The following MARCHF6 variants were observed in gnomAD, a reference collection of about 807,000 sequenced individuals.
MARCHF6 encodes E3 ubiquitin-protein ligase MARCHF6.
MARCHF6 carries 31 observed loss-of-function variants against 133.7 expected under a neutral mutation model. The ratio of observed to expected loss-of-function variants is 0.23; its 90% CI spans 0.17 to 0.31. MARCHF6 has a LOEUF of 0.31. MARCHF6 is among the 10% of genes least tolerant of loss of function. The pLI is 1.00. For missense variants in MARCHF6, 723 were observed against 1,121.6 expected (o/e 0.64, Z 5.08); for synonymous variants, 395 against 402.5 (o/e 0.98, Z 0.22).
At chr5:10,369,968 G>A (rs367836060) in intron 1 of MARCHF6, among the ~76,000 whole-genome samples, 1 of 151,694 alleles carries the variant, frequency 6.6e-6, no homozygotes, top group Non-Finnish European at 1.5e-5. Flanking sequence ...AGGTTTTTGT[G>A]TGAACATAAG....
chr5:10,363,132 AC>A (rs1361009337), intron 1 of MARCHF6, among the ~76,000 whole-genome samples: 1 of 152,198 alleles, frequency 6.6e-6, no homozygotes, highest in Non-Finnish European at 1.5e-5. Flanking sequence ...CTTGGGTTAG[AC>A]CAAGATCTCT....
At chr5:10,388,769 T>C (rs1579563410) in intron 5 of MARCHF6, among the ~76,000 whole-genome samples, 1 of 152,210 alleles carries the variant, frequency 6.6e-6, no homozygotes, top group Non-Finnish European at 1.5e-5. Context: ...TCCTCTGGGC[T>C]CTGGAACTTG....
chr5:10,403,460 A>G lies in MARCHF6; in HGVS notation c.1251A>G (p.Pro417=), dbSNP rs1738675035. ...KDRELSFQSA[P]GTTMFLHWLV... is the part of the protein sequence containing the mutation. Reference sequence around the variant, plus strand: ...GAGAACTGAGCTTTCAGTCGGCTCCAGGTACTACCATGTTTCTGCATTGGC... The same window carrying G: ...GAGAACTGAGCTTTCAGTCGGCTCCGGGTACTACCATGTTTCTGCATTGGC... The change falls in exon 15 of 26, where the codon CCA becomes CCG. Residue 417 remains proline, a synonymous_variant. Coordinates refer to ENST00000274140, the MANE Select transcript of MARCHF6 (RefSeq NM_005885.4). 1 of 1,613,986 alleles carries G rather than the reference A, an allele frequency of 6.2e-7. No individual in the cohort carries two copies. The highest frequency in any genetic ancestry group is 8.5e-7 in the Non-Finnish European group (1 of 1,179,904).
At chr5:10,374,235 T>G (rs1393427038) in intron 1 of MARCHF6, among the ~76,000 whole-genome samples, 1 of 152,236 alleles carries the variant, frequency 6.6e-6, no homozygotes, top group African/African-American at 2.4e-5. Context: ...GTTTAAATCC[T>G]TTAAAGAGGA....
In MARCHF6 at chr5:10,410,776, A is replaced by T. The variant is rs1739183983; in HGVS notation, c.1691+500A>T. Among the ~76,000 whole-genome samples the T allele has an allele frequency of 3.3e-5, 5 of 152,294 alleles. No individual in the cohort carries two copies. In the South Asian group the frequency reaches 1.0e-3, roughly 32 times the overall value. ...TGTAGGTATCTTAAAGGTGAAGTACAGATTTGGTTATATTTGCTTGAACAT... is the reference window on the plus strand; with the variant it reads ...TGTAGGTATCTTAAAGGTGAAGTACTGATTTGGTTATATTTGCTTGAACAT... On this transcript the variant is annotated intron_variant, in intron 18 of 25. Coordinates refer to ENST00000274140, the MANE Select transcript of MARCHF6 (RefSeq NM_005885.4).
chr5:10,400,253 A>C (rs1738442666), intron 10 of MARCHF6, among the ~76,000 whole-genome samples: 1 of 152,148 alleles, frequency 6.6e-6, no homozygotes, highest in Non-Finnish European at 1.5e-5. Flanking sequence ...ATTCTTATCA[A>C]TTTGGGACTA....
chr5:10,412,935 A>G (rs1739311921), intron 19 of MARCHF6, among the ~76,000 whole-genome samples: 1 of 152,018 alleles, frequency 6.6e-6, no homozygotes. Flanking sequence ...AAGGGGAGAG[A>G]TGAGGGGCCA....
chr5:10,402,559 T>TG lies in MARCHF6; in HGVS notation c.1151dup (p.Val385SerfsTer19). 1 of 1,614,022 alleles carries TG rather than the reference T, an allele frequency of 6.2e-7. No individual in the cohort carries two copies. Among genetic ancestry groups the TG allele is most frequent in the Non-Finnish European group, 8.5e-7 (1 of 1,179,904 alleles). On this transcript the variant is annotated frameshift_variant, in exon 14 of 26. Coordinates refer to ENST00000274140, the MANE Select transcript of MARCHF6 (RefSeq NM_005885.4). LOFTEE classifies it high-confidence loss of function. The stretch of plus-strand genomic sequence containing the variant: ...TCTCTTTGTTAGTGGTGGTAGAAAT[T>TG]GGAGTATTCCCTCTCATTTGTGGTT...
intron 1 of MARCHF6, among the ~76,000 whole-genome samples, chr5:10,360,906 A>G (rs891747852): frequency 6.6e-6 from 1 of 152,210 alleles, no homozygotes; most frequent in African/African-American, 2.4e-5. Context: ...CCAGATGCCT[A>G]CTTCCCATTT....
chr5:10,397,337 T>C lies in MARCHF6; in HGVS notation c.906T>C (p.Leu302=). ...TATCTTTAAATACACTGTTCATTCT[T>C]GTTTTTGGTAAGTTGTGTTTGTGCT... ...WVVSLNTLFI[L]VFAFCPYHIG... The change falls in exon 10 of 26, where the codon CTT becomes CTC. Residue 302 remains leucine, a synonymous_variant. Coordinates refer to ENST00000274140, the MANE Select transcript of MARCHF6 (RefSeq NM_005885.4). 1 of 1,583,772 alleles carries C rather than the reference T, an allele frequency of 6.3e-7. No individual in the cohort carries two copies. The highest frequency in any genetic ancestry group is 8.5e-7 in the Non-Finnish European group (1 of 1,170,888).
At chr5:10,418,381 CAAA>C (rs36005391) in intron 22 of MARCHF6, among the ~76,000 whole-genome samples, 1 of 92,240 alleles carries the variant, frequency 1.1e-5, no homozygotes. Context: ...ACCCTGTCTC[CAAA>C]AAAAAAAAAA....
rs1462239528 is a variant in MARCHF6 at position 10,440,094 on chromosome 5, T to C, written c.*6410T>C. 1 of 152,258 alleles carries C rather than the reference T, an allele frequency of 6.6e-6. No individual in the cohort carries two copies. The highest frequency in any genetic ancestry group is 1.5e-5 in the Non-Finnish European group (1 of 68,054). The allele number at this position is 152,258 out of a possible 1,614,324, so 9.4% of individuals were successfully genotyped here. A position where few individuals can be genotyped will look rare whatever the true frequency, so the allele number is the denominator to read the frequency against. On this transcript the variant is annotated 3_prime_UTR_variant, in exon 26 of 26. Transcript: ENST00000274140. ...TACTATATGGTTTACCTTTGTTGTTTATATTTGCATGTTGTTTCCCACTTG... is the reference window on the plus strand; with the variant it reads ...TACTATATGGTTTACCTTTGTTGTTCATATTTGCATGTTGTTTCCCACTTG...
intron 10 of MARCHF6, among the ~76,000 whole-genome samples, chr5:10,397,980 G>T (rs1182724946): frequency 1.3e-5 from 2 of 152,184 alleles, no homozygotes; most frequent in East Asian, 3.8e-4. Context: ...TCCAGAAGAG[G>T]TAAGGAAAAC....
chr5:10,355,199 C>G (rs939312684), intron 1 of MARCHF6, among the ~76,000 whole-genome samples: 1 of 152,220 alleles, frequency 6.6e-6, no homozygotes, highest in African/African-American at 2.4e-5. Context: ...ATTATATACA[C>G]TGAGTGTAGC....
intron 17 of MARCHF6, among the ~76,000 whole-genome samples, chr5:10,408,214 G>A (rs989094273): frequency 1.3e-5 from 2 of 152,018 alleles, no homozygotes; most frequent in East Asian, 1.9e-4. Flanking sequence ...CCATTCATCC[G>A]CAACACCTCT....
chr5:10,412,314 T>G (rs746021844), intron 19 of MARCHF6, among the ~76,000 whole-genome samples: 13 of 152,232 alleles, frequency 8.5e-5, no homozygotes, highest in Admixed American at 1.3e-4. Context: ...GCTTACAGTC[T>G]ACTCAGATGA....
intron 4 of MARCHF6, among the ~76,000 whole-genome samples, chr5:10,382,796 C>T (rs944228087): frequency 5.3e-5 from 8 of 152,292 alleles, no homozygotes; most frequent in African/African-American, 1.9e-4. Flanking sequence ...CACTGCATTC[C>T]AGCCTGGGCA....
chr5:10,360,236 G>A (rs907023471), intron 1 of MARCHF6, among the ~76,000 whole-genome samples: 23 of 129,196 alleles, frequency 1.8e-4, no homozygotes, highest in African/African-American at 6.4e-4. Context: ...TGCAACCTCC[G>A]CCTCCCAGGT....
chr5:10,419,081 G>A (rs1046331730), intron 22 of MARCHF6, among the ~76,000 whole-genome samples: 1 of 152,146 alleles, frequency 6.6e-6, no homozygotes, highest in East Asian at 1.9e-4. Flanking sequence ...TTCTAGTCTG[G>A]TTCATAGACT....
Sources: gnomAD v4.1 joint callset for allele counts (sites outside exome capture counted in the v4.1 genomes callset) on GRCh38, gnomAD v4.1.1 for gene constraint, MANE v1.5 for transcripts, NCBI Gene and HGNC (gene_info 2026-07-23, HGNC 2026-07-21) for gene names.